Variants in SKP2 observed in about 807,000 individuals in gnomAD.
The protein encoded by SKP2 is S-phase kinase-associated protein 2.
In SKP2, 16 loss-of-function variants were observed where a neutral mutation model predicts 51.8. The ratio of observed to expected loss-of-function variants is 0.31; its 90% CI spans 0.21 to 0.47. The LOEUF is 0.47. Among genes scored for constraint, SKP2 ranks in the 20% least tolerant of loss-of-function variants. SKP2 has a pLI of 1.00. For missense variants in SKP2, 377 were observed against 505.3 expected, an observed-to-expected ratio of 0.75 and a Z score of 2.43; for synonymous variants, 176 against 198.6, an observed-to-expected ratio of 0.89 and a Z score of 0.96.
Position 36,158,246 on chromosome 5 carries a change from C to T in SKP2, c.280+5204C>T, listed in dbSNP as rs558238829. 1.1e-4 allele frequency among the ~76,000 whole-genome samples: 17 copies of T among 152,278 alleles called. No homozygotes were observed. The South Asian group carries it at 2.3e-3, about 20-fold the overall frequency. ...GAAAAGACCTCTGGATTTTTCCTTC[C>T]GCTCTCTGCAAACAGACCAGGCAGC... On this transcript the variant is annotated intron_variant, in intron 2 of 9. Coordinates refer to ENST00000274255, the MANE Select transcript of SKP2 (RefSeq NM_005983.4).
chr5:36,178,550 C>G (rs1181741655), intron 9 of SKP2, among the ~76,000 whole-genome samples: 2 of 152,046 alleles, frequency 1.3e-5, no homozygotes, highest in African/African-American at 4.8e-5. Flanking sequence ...GGTTTAAATT[C>G]ATGCGCATGA....
chr5:36,164,040 G>A (rs903145587), intron 3 of SKP2, among the ~76,000 whole-genome samples: 6 of 152,174 alleles, frequency 3.9e-5, no homozygotes, highest in Admixed American at 2.6e-4. Context: ...CTTTAAGTGC[G>A]GAGAGAGTTA....
Position 36,152,794 on chromosome 5 carries a change from A to T in SKP2, c.32A>T (p.Asp11Val), listed in dbSNP as rs770769311. 6.2e-6 allele frequency: 10 copies of T among 1,613,926 alleles called. No individual in the cohort carries two copies. The South Asian group carries it at 8.8e-5, about 14-fold the overall frequency. ...AGGAAGCACCTCCAGGAGATTCCAG[A>T]CCTGAGTAGCAACGTTGCCACCAGC... MHRKHLQEIP[D>V]LSSNVATSFT... The change falls in exon 2 of 10, where the codon GAC (aspartate) becomes GTC (valine). Residue 11 changes from aspartate to valine, a missense_variant. By Grantham distance (152) the Asp-to-Val change is radical. This residue lies in a region of SKP2 where 115 missense variants were observed against 115.5 expected (regional missense o/e 1.00). Coordinates refer to ENST00000274255, the MANE Select transcript of SKP2 (RefSeq NM_005983.4).
intron 7 of SKP2, among the ~76,000 whole-genome samples, chr5:36,172,185 G>T (rs1358701492): frequency 6.6e-6 from 1 of 152,202 alleles, no homozygotes; most frequent in East Asian, 1.9e-4. Flanking sequence ...CGGAAGCCAG[G>T]ATGCTGGTGG....
At chr5:36,176,596 T>G (rs186170839) in intron 7 of SKP2, among the ~76,000 whole-genome samples, 1 of 152,062 alleles carries the variant, frequency 6.6e-6, no homozygotes, top group African/African-American at 2.4e-5. Flanking sequence ...GATCCATTAT[T>G]TCTCTTGTTG....
downstream of SKP2, among the ~76,000 whole-genome samples, chr5:36,185,734 G>A (rs530031643): frequency 4.9e-4 from 75 of 152,174 alleles, no homozygotes; most frequent in Non-Finnish European, 9.4e-4. Flanking sequence ...TTGGCAATAC[G>A]GGCTCTTTTT....
At chr5:36,154,583 G>A (rs1744880632) in intron 2 of SKP2, among the ~76,000 whole-genome samples, 1 of 152,164 alleles carries the variant, frequency 6.6e-6, no homozygotes, top group South Asian at 2.1e-4. Context: ...TGCCCAGGCT[G>A]GAATGCAGTG....
chr5:36,153,827 A>G (rs893356073), intron 2 of SKP2, among the ~76,000 whole-genome samples: 1 of 152,202 alleles, frequency 6.6e-6, no homozygotes, highest in African/African-American at 2.4e-5. Flanking sequence ...TTCCTCAAGC[A>G]GGCGAACGAG....
intron 3 of SKP2, among the ~76,000 whole-genome samples, chr5:36,166,079 A>G (rs529946389): frequency 6.6e-6 from 1 of 152,314 alleles, no homozygotes; most frequent in African/African-American, 2.4e-5. Context: ...TCCTTTAGTA[A>G]TTTTCCATGT....
Position 36,152,219 on chromosome 5 carries a change from T to G in SKP2, c.-44T>G. 6.2e-7 allele frequency: 1 copy of G among 1,610,946 alleles called. No homozygotes were observed. The highest frequency in any genetic ancestry group is 8.5e-7 in the Non-Finnish European group (1 of 1,177,228). ...CGGGAATCTGGGAGGCGAGCAGCTC[T>G]GCAGTTAATGCACGTATTTTAAACT... On this transcript the variant is annotated 5_prime_UTR_variant, in exon 1 of 10. Transcript: ENST00000274255.
intron 2 of SKP2, among the ~76,000 whole-genome samples, 171 bp downstream of exon 2, chr5:36,153,213 G>GAT (rs3038049): frequency 0.014 from 2,055 of 147,470 alleles, 42 homozygotes; most frequent in South Asian, 0.06. Context: ...AATCTTGGTA[G>GAT]ATATATATAT....
At chr5:36,161,913 T>C (rs947766632) in intron 2 of SKP2, among the ~76,000 whole-genome samples, 3 of 152,202 alleles carry the variant, frequency 2.0e-5, no homozygotes, top group African/African-American at 7.2e-5. Context: ...CATCTGACTG[T>C]TTTTTAGGAT....
At chr5:36,177,352 G>C (rs1400947734) in intron 9 of SKP2, 60 bp downstream of exon 9, 1 of 1,018,174 alleles carries the variant, frequency 9.8e-7, no homozygotes, top group Non-Finnish European at 1.6e-6. Flanking sequence ...GATGCCCCTT[G>C]GTGTGAAAAT....
chr5:36,166,835 A>G (rs1484399290), intron 4 of SKP2, among the ~76,000 whole-genome samples, 173 bp downstream of exon 4: 1 of 151,574 alleles, frequency 6.6e-6, no homozygotes, highest in Non-Finnish European at 1.5e-5. Context: ...AAAACCTAGC[A>G]TAGATTTCAA....
At chr5:36,190,251 A>G (rs1332442209) in intron 6 of SKP2, among the ~76,000 whole-genome samples, 1 of 151,740 alleles carries the variant, frequency 6.6e-6, no homozygotes, top group African/African-American at 2.4e-5. Context: ...CGACACCCCC[A>G]GTGAGACGAA....
At chr5:36,160,569 TAATA>T (rs1165423538) in intron 2 of SKP2, among the ~76,000 whole-genome samples, 2 of 152,220 alleles carry the variant, frequency 1.3e-5, no homozygotes, top group East Asian at 3.8e-4. Context: ...AGTACATGGT[TAATA>T]AATACGTGAG....
In SKP2 at chr5:36,181,959, T is replaced by G. The variant is rs961906211; in HGVS notation, c.1203T>G (p.Ile401Met). 6.2e-5 allele frequency: 100 copies of G among 1,614,022 alleles called. No homozygotes were observed. The highest frequency in any genetic ancestry group is 8.3e-5 in the Non-Finnish European group (98 of 1,180,012). Residue 401 changes from isoleucine (I) to methionine (M), a missense_variant, in exon 10 of 10, where the codon ATT becomes ATG. By Grantham distance (10) the Ile-to-Met change is conservative. Coordinates refer to ENST00000274255, the MANE Select transcript of SKP2 (RefSeq NM_005983.4). Reference sequence around the variant, plus strand: ...TCACCACCATTGCCAGGCCAACTATTGGCAACAAAAAGAACCAGGAGATAT... The same window carrying G: ...TCACCACCATTGCCAGGCCAACTATGGGCAACAAAAAGAACCAGGAGATAT... ...SHFTTIARPT[I>M]GNKKNQEIWG...
In SKP2 at chr5:36,183,809, G is replaced by T. The variant is rs764607483; in HGVS notation, c.*1778G>T. 1.3e-6 allele frequency: 2 copies of T among 1,560,172 alleles called. No homozygotes were observed. The highest frequency in any genetic ancestry group is 4.2e-5 in the Admixed American group (2 of 48,018). ...TTCAATTTCTTAATAGTTAAAAAGT[G>T]CTAAATACTACTTGAAATTATTGTT... On this transcript the variant is annotated 3_prime_UTR_variant, in exon 10 of 10. Coordinates refer to ENST00000274255, the MANE Select transcript of SKP2 (RefSeq NM_005983.4).
chr5:36,153,223 T>G (rs1490129365), intron 2 of SKP2, among the ~76,000 whole-genome samples, 181 bp downstream of exon 2: 1 of 13,290 alleles, frequency 7.5e-5, no homozygotes, highest in Non-Finnish European at 7.8e-4. Context: ...GATATATATA[T>G]ATATATATAT....
Sources: gnomAD v4.1 joint callset for allele counts (sites outside exome capture counted in the v4.1 genomes callset) on GRCh38, gnomAD v4.1.1 for gene constraint, gnomAD v4.1.1 regional missense constraint, MANE v1.5 for transcripts, NCBI Gene and HGNC (gene_info 2026-07-23, HGNC 2026-07-21) for gene names.